The following MARCHF1 variants were observed in gnomAD, a reference collection of about 807,000 sequenced individuals.
The protein encoded by MARCHF1 is E3 ubiquitin-protein ligase MARCHF1.
Under a neutral mutation model 54.2 loss-of-function variants are expected in MARCHF1, and 40 were observed. The ratio of observed to expected loss-of-function variants is 0.74; its 90% CI spans 0.57 to 0.96. The LOEUF (loss-of-function observed/expected upper bound fraction) is 0.96. Ranked by LOEUF, MARCHF1 falls within the 40% of genes least tolerant of loss-of-function variation. The probability of loss-of-function intolerance (pLI) is 0.00; values close to 1 mark genes in which losing one functional copy is unlikely to be tolerated. For missense variants in MARCHF1, 586 were observed against 656.5 expected (o/e 0.89, Z 1.17); for synonymous variants, 236 against 236.3 (o/e 1.00, Z 0.01).
chr4:163,989,169 T>C lies in MARCHF1; in HGVS notation c.-247-460A>G, dbSNP rs373692067. Reference sequence around the variant, plus strand: ...GCTTAGTGTCCTATTTGGAGCCAAATCTCTTCCTTGAGAAGCGCGGCTAGC... The same window carrying C: ...GCTTAGTGTCCTATTTGGAGCCAAACCTCTTCCTTGAGAAGCGCGGCTAGC... On this transcript the variant is annotated intron_variant, in intron 2 of 9. Transcript: ENST00000514618. Among the ~76,000 whole-genome samples, 7 of 152,228 alleles carry C rather than the reference T, an allele frequency of 4.6e-5. No individual in the cohort carries two copies. The East Asian group carries it at 1.2e-3, about 25-fold the overall frequency.
At chr4:163,866,930 A>G (rs774419785) in intron 3 of MARCHF1, among the ~76,000 whole-genome samples, 4 of 151,922 alleles carry the variant, frequency 2.6e-5, no homozygotes, top group African/African-American at 4.8e-5. Flanking sequence ...AGGTATCACA[A>G]TGACCAAAAA....
intron 4 of MARCHF1, among the ~76,000 whole-genome samples, chr4:163,803,362 G>A (rs959263702): frequency 1.3e-5 from 2 of 151,486 alleles, no homozygotes; most frequent in African/African-American, 2.4e-5. Flanking sequence ...TAGTAGAGAC[G>A]GGGTTTCGCC....
At chr4:163,728,070 T>C (rs1449607932) in intron 4 of MARCHF1, among the ~76,000 whole-genome samples, 2 of 152,030 alleles carry the variant, frequency 1.3e-5, no homozygotes, top group Admixed American at 6.5e-5. Context: ...TTCTGTTTCA[T>C]TGATTTATTT....
At chr4:164,226,321 T>C (rs1420431071) in intron 1 of MARCHF1, among the ~76,000 whole-genome samples, 2 of 151,956 alleles carry the variant, frequency 1.3e-5, no homozygotes. Flanking sequence ...AAATCAGCAA[T>C]AAATTATTAT....
At chr4:163,812,025 T>C (rs1748401871) in intron 4 of MARCHF1, among the ~76,000 whole-genome samples, 1 of 152,024 alleles carries the variant, frequency 6.6e-6, no homozygotes, top group Admixed American at 6.6e-5. Context: ...TAAAAAGGTG[T>C]AGGAAAGTTG....
intron 4 of MARCHF1, among the ~76,000 whole-genome samples, chr4:163,820,183 G>A (rs1163957843): frequency 2.0e-5 from 3 of 151,886 alleles, no homozygotes; most frequent in Admixed American, 6.6e-5. Context: ...TTGTGAGGAC[G>A]GTGCTGACTT....
intron 1 of MARCHF1, among the ~76,000 whole-genome samples, chr4:164,323,366 G>C (rs1735189784): frequency 6.6e-6 from 1 of 151,362 alleles, no homozygotes; most frequent in Non-Finnish European, 1.5e-5. Flanking sequence ...GCTGTACTTA[G>C]GAAAATATAC....
intron 3 of MARCHF1, among the ~76,000 whole-genome samples, chr4:163,916,018 A>G (rs1751300591): frequency 6.6e-6 from 1 of 152,156 alleles, no homozygotes; most frequent in Admixed American, 6.6e-5. Context: ...CTGCCATTAG[A>G]CAGTTGGGTC....
intron 4 of MARCHF1, among the ~76,000 whole-genome samples, chr4:163,817,846 T>A (rs577529345): frequency 1.3e-5 from 2 of 149,980 alleles, no homozygotes; most frequent in East Asian, 3.9e-4. Context: ...TCATTCTCAG[T>A]AAACTATCGC....
chr4:163,921,319 T>C (rs1751425498), intron 3 of MARCHF1, among the ~76,000 whole-genome samples: 1 of 152,134 alleles, frequency 6.6e-6, no homozygotes, highest in Non-Finnish European at 1.5e-5. Flanking sequence ...AAAAATCTTC[T>C]CAGGATATCA....
intron 2 of MARCHF1, among the ~76,000 whole-genome samples, chr4:164,038,569 G>T (rs1754060549): frequency 6.6e-6 from 1 of 152,120 alleles, no homozygotes. Context: ...ATTTGTGCAG[G>T]TGCTCTGTAG....
At chr4:163,594,786 A>ACACACACACACACACC (rs1173614623) in intron 7 of MARCHF1, among the ~76,000 whole-genome samples, 9 of 151,566 alleles carry the variant, frequency 5.9e-5, no homozygotes, top group African/African-American at 2.2e-4. Flanking sequence ...ACACACACAC[A>ACACACACACACACACC]CCCAAACCCA....
chr4:163,972,975 A>G (rs541097680), intron 3 of MARCHF1, among the ~76,000 whole-genome samples: 1 of 152,350 alleles, frequency 6.6e-6, no homozygotes, highest in Non-Finnish European at 1.5e-5. Context: ...TTTAGCACTG[A>G]AATTAATCAG....
intron 8 of MARCHF1, among the ~76,000 whole-genome samples, chr4:163,581,800 T>G (rs982096932): frequency 6.6e-6 from 1 of 152,208 alleles, no homozygotes; most frequent in Non-Finnish European, 1.5e-5. Context: ...CTATGAACTT[T>G]CCAATTTTCA....
intron 2 of MARCHF1, among the ~76,000 whole-genome samples, chr4:164,011,294 T>G (rs1031548433): frequency 6.6e-6 from 1 of 152,174 alleles, no homozygotes; most frequent in African/African-American, 2.4e-5. Context: ...AAAAAGCTTC[T>G]GCACAGCAAA....
At chr4:164,322,236 C>G (rs917475901) in intron 1 of MARCHF1, among the ~76,000 whole-genome samples, 1 of 151,758 alleles carries the variant, frequency 6.6e-6, no homozygotes, top group African/African-American at 2.4e-5. Flanking sequence ...AAACTGTAGC[C>G]AAGGAGTAGT....
intron 5 of MARCHF1, among the ~76,000 whole-genome samples, chr4:163,682,855 G>A (rs1344710902): frequency 6.6e-6 from 1 of 152,158 alleles, no homozygotes; most frequent in East Asian, 1.9e-4. Flanking sequence ...TAAACTGTGA[G>A]CCAATTAAAC....
At chr4:164,378,752 C>T (rs1731273060) in intron 1 of MARCHF1, among the ~76,000 whole-genome samples, 1 of 152,214 alleles carries the variant, frequency 6.6e-6, no homozygotes, top group Non-Finnish European at 1.5e-5. Flanking sequence ...CACTCTGTCA[C>T]CGAGGCTGGA....
intron 1 of MARCHF1, among the ~76,000 whole-genome samples, chr4:164,133,444 AGAAAAATGGGTTATCATAT>A (rs1482892835): frequency 6.6e-6 from 1 of 152,242 alleles, no homozygotes; most frequent in Non-Finnish European, 1.5e-5. Flanking sequence ...AACTTGCACA[AGAAAAATGGGTTATCATAT>A]TATTGAATTC....
Sources: allele counts gnomAD v4.1 joint callset (sites outside exome capture counted in the v4.1 genomes callset), GRCh38; gene constraint gnomAD v4.1.1; transcripts MANE v1.5; gene names NCBI Gene and HGNC (gene_info 2026-07-23, HGNC 2026-07-21).